CHD3: variants seen among roughly 807,000 people sequenced by gnomAD.
The protein encoded by CHD3 is ATP-dependent chromatin remodeler CHD3.
Under a neutral mutation model 248.9 loss-of-function variants are expected in CHD3, and 52 were observed. That is an observed-to-expected ratio of 0.21 (90% CI 0.17 to 0.26). CHD3 has a LOEUF of 0.26. Ranked by LOEUF, CHD3 falls within the 10% of genes least tolerant of loss-of-function variation. The probability of loss-of-function intolerance (pLI) is 1.00; values close to 1 mark genes in which losing one functional copy is unlikely to be tolerated. For missense variants in CHD3, 1,482 were observed against 2,605.8 expected, an observed-to-expected ratio of 0.57 and a Z score of 9.39; for synonymous variants, 985 against 985.2, an observed-to-expected ratio of 1.00 and a Z score of 0.00.
Position 7,899,274 on chromosome 17 carries a change from T to TA in CHD3, c.2344-68dup. 6.2e-7 allele frequency: 1 copy of TA among 1,601,774 alleles called. No individual in the cohort carries two copies. The highest frequency in any genetic ancestry group is 2.2e-5 in the East Asian group (1 of 44,664). ...TGGGGAGGGGGAAGATAAAGGGGTG[T>TA]AGCTGGCAGAGGACTAGGGTATACG... is the stretch of plus-strand genomic sequence containing the variant. On this transcript the variant is annotated intron_variant, in intron 14 of 39. Transcript: ENST00000330494. This position sits in a 1 kb window ranked among gnomAD's most constrained non-coding sequence, Gnocchi z 6.8.
upstream of CHD3, chr17:7,888,746 G>C: frequency 1.6e-6 from 2 of 1,259,140 alleles, no homozygotes; most frequent in South Asian, 1.9e-5. Flanking sequence ...GTGCGCGCGC[G>C]TGCTTTTGAG....
Position 7,909,953 on chromosome 17 carries a change from T to C in CHD3, c.5591-475T>C, listed in dbSNP as rs1971443748. ...CTGTTCTAATTCCTTGAATCTGTAA[T>C]ACTGACCTTCTAACCTCCCTCTCCC... On this transcript the variant is annotated intron_variant, in intron 37 of 39. Transcript: ENST00000330494. The surrounding 1 kb of genome is among the most constrained non-coding windows in gnomAD (Gnocchi z 8.1). 2 of 242,232 alleles carry C rather than the reference T, an allele frequency of 8.3e-6. No individual in the cohort carries two copies. The highest frequency in any genetic ancestry group is 1.6e-5 in the Non-Finnish European group (2 of 122,148). 15.0% of individuals were successfully genotyped at this position (242,232 alleles called of 1,614,324 possible). A position where few individuals can be genotyped will look rare whatever the true frequency, so the allele number is the denominator to read the frequency against.
In CHD3 at chr17:7,911,331, G is replaced by A. The variant is rs985189624; in HGVS notation, c.5882-133G>A. 5.8e-5 allele frequency: 80 copies of A among 1,385,492 alleles called. No homozygotes were observed. The highest frequency in any genetic ancestry group is 1.4e-4 in the African/African-American group (10 of 69,772). The allele number at this position is 1,385,492 out of a possible 1,614,324, so 85.8% of individuals were successfully genotyped here. ...GAATCTCAGGGAAAGGGGTTTGCCCGGGTCTTCCCTCCCTCACGTGGGACA... is the reference window on the plus strand; with the variant it reads ...GAATCTCAGGGAAAGGGGTTTGCCCAGGTCTTCCCTCCCTCACGTGGGACA... On this transcript the variant is annotated intron_variant, in intron 39 of 39. Transcript: ENST00000330494. This position sits in a 1 kb window ranked among gnomAD's most constrained non-coding sequence, Gnocchi z 5.4.
chr17:7,900,545 T>C lies in CHD3; in HGVS notation c.2805-13T>C. ...TTGCCGACCTGTTAATTTTCTTCTC[T>C]TCTGGCTCTTAGCAACTTGGAGGGC... On this transcript the variant is annotated splice_polypyrimidine_tract_variant and intron_variant, in intron 17 of 39. Transcript: ENST00000330494. This position sits in a 1 kb window ranked among gnomAD's most constrained non-coding sequence, Gnocchi z 6.5. 1 of 1,612,262 alleles carries C rather than the reference T, an allele frequency of 6.2e-7. No individual in the cohort carries two copies. Among genetic ancestry groups the C allele is most frequent in the Non-Finnish European group, 8.5e-7 (1 of 1,178,424 alleles).
At position 7,889,353 on chromosome 17, in the gene CHD3, T is replaced by C. The variant is rs984915278; in HGVS notation, c.100+253T>C. 1.3e-5 allele frequency among the ~76,000 whole-genome samples: 2 copies of C among 152,326 alleles called. No homozygotes were observed. Among genetic ancestry groups the C allele is most frequent in the Non-Finnish European group, 2.9e-5 (2 of 68,018 alleles). ...GTGAGGGGGAAGGCAGGAGGAGCCC[T>C]GGCGGTGACTGAAAGGACCTGCCAC... On this transcript the variant is annotated intron_variant, in intron 1 of 39. Transcript: ENST00000330494. The surrounding 1 kb of genome is among the most constrained non-coding windows in gnomAD (Gnocchi z 4.5).
In CHD3 at chr17:7,909,079, C is replaced by T. The variant is rs888629910; in HGVS notation, c.5395-64C>T. ...AGGGTGGGTCTCTTGCTATGTCCGC[C>T]CCCCCAGCCCCTCACCCACTGCTGG... On this transcript the variant is annotated intron_variant, in intron 36 of 39. Transcript: ENST00000330494. This position sits in a 1 kb window ranked among gnomAD's most constrained non-coding sequence, Gnocchi z 8.1. 2.8e-5 allele frequency: 43 copies of T among 1,542,800 alleles called. No homozygotes were observed. The highest frequency in any genetic ancestry group is 4.6e-4 in the Middle Eastern group (2 of 4,360).
In CHD3 at chr17:7,899,207, T is replaced by C; in HGVS notation, c.2343+5T>C. 6.2e-7 allele frequency: 1 copy of C among 1,612,092 alleles called. No homozygotes were observed. The highest frequency in any genetic ancestry group is 8.5e-7 in the Non-Finnish European group (1 of 1,178,532). On this transcript the variant is annotated splice_donor_5th_base_variant and intron_variant, in intron 14 of 39. Transcript: ENST00000330494. The surrounding 1 kb of genome is among the most constrained non-coding windows in gnomAD (Gnocchi z 6.8). Reference sequence around the variant, plus strand: ...CTCTACTCACTCTACAAGGAGGTGCTGGATTCTAGGACCTTGAAGGGGACC... The same window carrying C: ...CTCTACTCACTCTACAAGGAGGTGCCGGATTCTAGGACCTTGAAGGGGACC...
At chr17:7,892,994 C>T (rs1272144514) in intron 4 of CHD3, among the ~76,000 whole-genome samples, 1 of 151,902 alleles carries the variant, frequency 6.6e-6, no homozygotes, top group East Asian at 1.9e-4. Flanking sequence ...GTTGCCCAGG[C>T]TTATCTCATA....
intron 12 of CHD3, 38 bp from the exon 13 acceptor site, chr17:7,898,458 C>T (rs58909711): frequency 0.17 from 246,417 of 1,473,600 alleles, 22,259 homozygotes; most frequent in East Asian, 0.31. Context: ...GTAGGACTCC[C>T]AAGGATGAGG....
upstream of CHD3, chr17:7,885,301 C>CGCCGCCG (rs1967645649): frequency 7.3e-6 from 1 of 137,462 alleles, no homozygotes; most frequent in Non-Finnish European, 1.2e-5. Context: ...CCCGCCGCAC[C>CGCCGCCG]CCTCCCCCGC....
chr17:7,902,052 C>T (rs1481141861), intron 20 of CHD3, among the ~76,000 whole-genome samples: 1 of 152,112 alleles, frequency 6.6e-6, no homozygotes, highest in Non-Finnish European at 1.5e-5. Flanking sequence ...TCAGGGGGTT[C>T]CTGGATTTCC....
Position 7,899,184 on chromosome 17 carries a change from C to G in CHD3, c.2325C>G (p.Leu775=). The G allele has an allele frequency of 6.2e-7, 1 of 1,613,866 alleles. No individual in the cohort carries two copies. The highest frequency in any genetic ancestry group is 8.5e-7 in the Non-Finnish European group (1 of 1,179,854). The change falls in exon 14 of 40, where the codon CTC becomes CTG. Residue 775 remains leucine, a synonymous_variant. Coordinates refer to ENST00000330494, the MANE Select transcript of CHD3 (RefSeq NM_001005273.3). This position sits in a 1 kb window ranked among gnomAD's most constrained non-coding sequence, Gnocchi z 6.8. ...LGKTIQTIVF[L]YSLYKEGHTK... ...AGACCATACAAACCATCGTCTTCCTCTACTCACTCTACAAGGAGGTGCTGG... is the reference window on the plus strand; with the variant it reads ...AGACCATACAAACCATCGTCTTCCTGTACTCACTCTACAAGGAGGTGCTGG...
At chr17:7,884,850 T>C, upstream of CHD3, 2 of 932,662 alleles carry the variant, frequency 2.1e-6, no homozygotes, top group South Asian at 1.8e-5. Flanking sequence ...GAGGAGGAGA[T>C]GGTGGTGTCG....
At position 7,907,554 on chromosome 17, in the gene CHD3, G is replaced by A. The variant is rs760879469; in HGVS notation, c.4925-47G>A. Reference sequence around the variant, plus strand: ...GGGATTTCCCTCTTCTGGGGTCAGGGGATGAGGGTAACATCCTCCCTTCCT... The same window carrying A: ...GGGATTTCCCTCTTCTGGGGTCAGGAGATGAGGGTAACATCCTCCCTTCCT... On this transcript the variant is annotated intron_variant, in intron 32 of 39. Coordinates refer to ENST00000330494, the MANE Select transcript of CHD3 (RefSeq NM_001005273.3). The surrounding 1 kb of genome is among the most constrained non-coding windows in gnomAD (Gnocchi z 4.3). The A allele has an allele frequency of 2.6e-6, 4 of 1,528,106 alleles. No individual in the cohort carries two copies. In the East Asian group the frequency reaches 9.1e-5, roughly 35 times the overall value. 94.7% of individuals were successfully genotyped at this position (1,528,106 alleles called of 1,614,324 possible).
chr17:7,898,631 G>A, intron 13 of CHD3, 36 bp downstream of exon 13: 1 of 1,533,182 alleles, frequency 6.5e-7, no homozygotes, highest in South Asian at 1.1e-5. Context: ...TGTTTCTGGA[G>A]TGATGGTGAT....
In CHD3 at chr17:7,911,307, A is replaced by C. The variant is rs560874382; in HGVS notation, c.5882-157A>C. On this transcript the variant is annotated intron_variant, in intron 39 of 39. Transcript: ENST00000330494. This position sits in a 1 kb window ranked among gnomAD's most constrained non-coding sequence, Gnocchi z 5.4. The stretch of plus-strand genomic sequence containing the variant: ...TGTTCAATCATGTAGCACAAAGTGG[A>C]ATCTCAGGGAAAGGGGTTTGCCCGG... Among the ~76,000 whole-genome samples, 1 of 152,346 alleles carries C rather than the reference A, an allele frequency of 6.6e-6. No homozygotes were observed. Among genetic ancestry groups the C allele is most frequent in the African/African-American group, 2.4e-5 (1 of 41,568 alleles).
Position 7,906,081 on chromosome 17 carries a change from T to C in CHD3, c.4358+92T>C. 6.5e-7 allele frequency: 1 copy of C among 1,537,270 alleles called. No individual in the cohort carries two copies. Among genetic ancestry groups the C allele is most frequent in the Non-Finnish European group, 8.9e-7 (1 of 1,117,878 alleles). The stretch of plus-strand genomic sequence containing the variant: ...TTGGGGCCGCCATATGATGTGACCT[T>C]ACTCAACTGATTATCACCCTCCCTG... On this transcript the variant is annotated intron_variant, in intron 28 of 39. Coordinates refer to ENST00000330494, the MANE Select transcript of CHD3 (RefSeq NM_001005273.3). This position sits in a 1 kb window ranked among gnomAD's most constrained non-coding sequence, Gnocchi z 5.0.
At position 7,911,719 on chromosome 17, in the gene CHD3, C is replaced by T; in HGVS notation, c.*134C>T. ...CACTGGGCTAGGAACCCCTTTGCCC[C>T]TCTCTGCAGCTCCTCTCTTCAAGAA... On this transcript the variant is annotated 3_prime_UTR_variant, in exon 40 of 40. Coordinates refer to ENST00000330494, the MANE Select transcript of CHD3 (RefSeq NM_001005273.3). The surrounding 1 kb of genome is among the most constrained non-coding windows in gnomAD (Gnocchi z 5.4). 6.5e-7 allele frequency: 1 copy of T among 1,550,210 alleles called. No homozygotes were observed. The highest frequency in any genetic ancestry group is 8.7e-7 in the Non-Finnish European group (1 of 1,145,912).
Position 7,908,644 on chromosome 17 carries a change from G to A in CHD3, c.5262-53G>A. The A allele has an allele frequency of 6.2e-7, 1 of 1,610,480 alleles. No homozygotes were observed. Among genetic ancestry groups the A allele is most frequent in the East Asian group, 2.2e-5 (1 of 44,818 alleles). On this transcript the variant is annotated intron_variant, in intron 35 of 39. Coordinates refer to ENST00000330494, the MANE Select transcript of CHD3 (RefSeq NM_001005273.3). The surrounding 1 kb of genome is among the most constrained non-coding windows in gnomAD (Gnocchi z 5.8). ...AAGCCAAAAGGAAGAAGTGTTCAAA[G>A]CCAAGCCCATTCCTGTTAAATTCCT...
Sources: gnomAD v4.1 joint callset for allele counts (sites outside exome capture counted in the v4.1 genomes callset) on GRCh38, gnomAD v4.1.1 for gene constraint, Gnocchi (gnomAD v3.1) non-coding constraint, MANE v1.5 for transcripts, NCBI Gene and HGNC (gene_info 2026-07-23, HGNC 2026-07-21) for gene names.